The following TATDN1 variants were observed in gnomAD, a reference collection of about 807,000 sequenced individuals.
TATDN1 encodes TatD DNase domain containing 1, also known as deoxyribonuclease TATDN1.
Under a neutral mutation model 46.4 loss-of-function variants are expected in TATDN1, and 40 were observed. The ratio of observed to expected loss-of-function variants is 0.86; its 90% CI spans 0.67 to 1.12. TATDN1 has a LOEUF of 1.12. TATDN1 is among the 50% of genes most tolerant of loss of function. The pLI, the probability that TATDN1 is intolerant of heterozygous loss-of-function variation, is 0.00. For synonymous variants in TATDN1, 95 were observed against 105.6 expected, an observed-to-expected ratio of 0.90 and a Z score of 0.62; for missense variants, 326 against 348.4, an observed-to-expected ratio of 0.94 and a Z score of 0.51.
intron 10 of TATDN1, 99 bp from the exon 11 acceptor site, chr8:124,494,058 T>A: frequency 8.3e-7 from 1 of 1,205,566 alleles, no homozygotes; most frequent in Non-Finnish European, 1.1e-6. Context: ...AAACCGTGAT[T>A]CAGCTTCCAA....
rs535627666 is a variant in TATDN1, at chr8:124,488,802, T to TATA, written c.792-109_792-107dup. On this transcript the variant is annotated intron_variant, in intron 11 of 11. Transcript: ENST00000276692. ...AAGGAAAATATTGGCACACCTTTAA[T>TATA]ATAATAAAGCTTAACAGTTATTAAG... 8.7e-4 allele frequency: 614 copies of TATA among 704,814 alleles called. 5 individuals are homozygous for TATA. In the East Asian group the frequency reaches 0.015, roughly 17 times the overall value. 43.7% of individuals were successfully genotyped at this position (704,814 alleles called of 1,614,324 possible). A position where few individuals can be genotyped will look rare whatever the true frequency, so the allele number is the denominator to read the frequency against.
Position 124,518,756 on chromosome 8 carries a change from A to G in TATDN1, c.202+62T>C, listed in dbSNP as rs755399917. 5.6e-6 allele frequency: 7 copies of G among 1,252,876 alleles called. No homozygotes were observed. The African/African-American group carries it at 7.4e-5, about 13-fold the overall frequency. 77.6% of individuals were successfully genotyped at this position (1,252,876 alleles called of 1,614,324 possible). On this transcript the variant is annotated intron_variant, in intron 4 of 11. Transcript: ENST00000276692. Reference sequence around the variant, plus strand: ...TTGTATTGTACCTGAAGCAGTTTTCAGAAAGACTTCTTCAAAATTACTTAA... The same window carrying G: ...TTGTATTGTACCTGAAGCAGTTTTCGGAAAGACTTCTTCAAAATTACTTAA...
In TATDN1 at chr8:124,539,054, C is replaced by G. The variant is rs144730785; in HGVS notation, c.-8G>C. The G allele has an allele frequency of 1.2e-6, 2 of 1,613,164 alleles. No individual in the cohort carries two copies. Among genetic ancestry groups the G allele is most frequent in the Non-Finnish European group, 1.7e-6 (2 of 1,179,162 alleles). ...AAACTTGAAGCGACTCATGACTGCGCATGGAGGACCTCCCCAGCGGAAGCG... is the reference window on the plus strand; with the variant it reads ...AAACTTGAAGCGACTCATGACTGCGGATGGAGGACCTCCCCAGCGGAAGCG... On this transcript the variant is annotated 5_prime_UTR_variant, in exon 1 of 12. The change abolishes an upstream ATG in the 5' untranslated region. Coordinates refer to ENST00000276692, the MANE Select transcript of TATDN1 (RefSeq NM_032026.4).
intron 1 of TATDN1, among the ~76,000 whole-genome samples, chr8:124,536,893 C>A (rs1328176788): frequency 6.6e-6 from 1 of 150,868 alleles, no homozygotes; most frequent in Non-Finnish European, 1.5e-5. Context: ...GATCTCATTT[C>A]TGTTTCAAAA....
chr8:124,532,749 T>C (rs1180341360), intron 1 of TATDN1, among the ~76,000 whole-genome samples: 1 of 152,230 alleles, frequency 6.6e-6, no homozygotes, highest in Non-Finnish European at 1.5e-5. Context: ...ATGCTAATTC[T>C]GCTCGTTGGG....
chr8:124,506,842 T>G (rs1395233515), intron 8 of TATDN1, among the ~76,000 whole-genome samples: 1 of 152,094 alleles, frequency 6.6e-6, no homozygotes, highest in African/African-American at 2.4e-5. Flanking sequence ...CTAAGGCAGG[T>G]TTCCAAAGGA....
intron 9 of TATDN1, among the ~76,000 whole-genome samples, chr8:124,498,967 TTTTAA>T (rs910663394): frequency 6.6e-6 from 1 of 151,014 alleles, no homozygotes; most frequent in African/African-American, 2.4e-5. Context: ...TTTTTTTTTT[TTTTAA>T]TTTAAGAGAT....
At chr8:124,527,322 C>T (rs1450458545) in intron 1 of TATDN1, among the ~76,000 whole-genome samples, 1 of 152,174 alleles carries the variant, frequency 6.6e-6, no homozygotes, top group East Asian at 1.9e-4. Flanking sequence ...AAAAGGTGCA[C>T]AGCCTGAGTA....
chr8:124,502,298 G>A (rs1365839751), intron 9 of TATDN1, among the ~76,000 whole-genome samples: 2 of 147,520 alleles, frequency 1.4e-5, no homozygotes, highest in South Asian at 2.1e-4. Flanking sequence ...CCAAGATCGC[G>A]CCACTGCACT....
rs1187583190 is a variant in TATDN1 at position 124,508,462 on chromosome 8, T to C, written c.516+12A>G. The C allele has an allele frequency of 1.2e-6, 2 of 1,610,738 alleles. No homozygotes were observed. The highest frequency in any genetic ancestry group is 2.2e-5 in the South Asian group (2 of 90,698). On this transcript the variant is annotated intron_variant, in intron 8 of 11. Transcript: ENST00000276692. ...GTTCAACCTGTATTAAAAATGACTA[T>C]TTTATACTTACCACTCCCCCTACAC...
intron 9 of TATDN1, among the ~76,000 whole-genome samples, chr8:124,496,120 G>A (rs986765333): frequency 6.6e-6 from 1 of 152,174 alleles, no homozygotes; most frequent in African/African-American, 2.4e-5. Context: ...AGTGAGGTTT[G>A]GGATGGTGTA....
intron 1 of TATDN1, among the ~76,000 whole-genome samples, chr8:124,529,735 T>G (rs764783003): frequency 6.6e-6 from 1 of 152,222 alleles, no homozygotes; most frequent in Non-Finnish European, 1.5e-5. Context: ...TAGGGATATA[T>G]TTTTAACTTT....
intron 1 of TATDN1, among the ~76,000 whole-genome samples, chr8:124,536,039 T>C (rs1170979882): frequency 6.6e-6 from 1 of 152,354 alleles, no homozygotes; most frequent in South Asian, 2.1e-4. Context: ...GAATGGAATA[T>C]GATGTTTTTA....
At chr8:124,522,887 A>C in intron 2 of TATDN1, 50 bp downstream of exon 2, 1 of 1,515,760 alleles carries the variant, frequency 6.6e-7, no homozygotes, top group Non-Finnish European at 9.2e-7. Context: ...CCTGAGGCAG[A>C]AAATTTGTCT....
intron 1 of TATDN1, among the ~76,000 whole-genome samples, chr8:124,532,925 C>A (rs1368195470): frequency 6.6e-6 from 1 of 152,174 alleles, no homozygotes; most frequent in Non-Finnish European, 1.5e-5. Flanking sequence ...TCTGTAAAGA[C>A]AACACAGTCT....
At chr8:124,501,083 A>G (rs1328423116) in intron 9 of TATDN1, among the ~76,000 whole-genome samples, 2 of 152,196 alleles carry the variant, frequency 1.3e-5, no homozygotes, top group Non-Finnish European at 2.9e-5. Context: ...TCTCAAGACA[A>G]TCCACATCAG....
At chr8:124,534,437 T>C (rs1821260638) in intron 1 of TATDN1, among the ~76,000 whole-genome samples, 1 of 152,192 alleles carries the variant, frequency 6.6e-6, no homozygotes, top group African/African-American at 2.4e-5. Flanking sequence ...AAATGCAAAC[T>C]GCTTTCTCCT....
intron 6 of TATDN1, among the ~76,000 whole-genome samples, chr8:124,513,878 A>G (rs1200873525): frequency 1.3e-5 from 2 of 152,184 alleles, no homozygotes; most frequent in African/African-American, 4.8e-5. Context: ...AAGAACTATT[A>G]AAGAGAACTG....
intron 8 of TATDN1, chr8:124,504,637 G>C (rs1818244995): frequency 4.2e-6 from 1 of 236,894 alleles, no homozygotes; most frequent in Non-Finnish European, 8.0e-6. Context: ...TCCAGGAAGG[G>C]GTTTAGGAAT....
Sources: allele counts gnomAD v4.1 joint callset (sites outside exome capture counted in the v4.1 genomes callset), GRCh38; gene constraint gnomAD v4.1.1; transcripts MANE v1.5; gene names NCBI Gene and HGNC (gene_info 2026-07-23, HGNC 2026-07-21).